The following ATP2B2 variants were observed in gnomAD, a reference collection of about 807,000 sequenced individuals.
ATP2B2 encodes the protein ATPase plasma membrane Ca2+ transporting 2.
Under a neutral mutation model 120.0 loss-of-function variants are expected in ATP2B2, and 15 were observed. The ratio of observed to expected loss-of-function variants is 0.12; its 90% CI spans 0.08 to 0.19. ATP2B2 has a LOEUF of 0.19. ATP2B2 is among the 10% of genes least tolerant of loss of function. The probability of loss-of-function intolerance (pLI) is 1.00; values close to 1 mark genes in which losing one functional copy is unlikely to be tolerated. For missense variants in ATP2B2, 1,045 were observed against 1,719.8 expected, an observed-to-expected ratio of 0.61 and a Z score of 6.94; for synonymous variants, 694 against 700.3, an observed-to-expected ratio of 0.99 and a Z score of 0.14.
chr3:10,686,483 T>C (rs1183588547), intron 1 of ATP2B2, among the ~76,000 whole-genome samples: 1 of 151,970 alleles, frequency 6.6e-6, no homozygotes, highest in South Asian at 2.1e-4. Context: ...TGAAACCCCA[T>C]CTCTACTAAA....
intron 2 of ATP2B2, among the ~76,000 whole-genome samples, chr3:10,602,244 C>A (rs964859620): frequency 3.3e-5 from 5 of 152,192 alleles, no homozygotes; most frequent in African/African-American, 9.6e-5. Context: ...GGAATCCCAC[C>A]CACTCTTCAC....
chr3:10,326,543 C>T lies in ATP2B2; in HGVS notation c.*2271G>A. 1 of 396,978 alleles carries T rather than the reference C, an allele frequency of 2.5e-6. No homozygotes were observed. The highest frequency in any genetic ancestry group is 3.6e-5 in the East Asian group (1 of 28,012). The allele number at this position is 396,978 out of a possible 1,614,324, so 24.6% of individuals were successfully genotyped here. ...GTGAGAAAGGAAACTCCAAAAAACA[C>T]CATGTTCCAAGGCTGCCCCATGTTT... On this transcript the variant is annotated 3_prime_UTR_variant, in exon 23 of 23. Coordinates refer to ENST00000360273, the MANE Select transcript of ATP2B2 (RefSeq NM_001001331.4).
intron 2 of ATP2B2, among the ~76,000 whole-genome samples, chr3:10,592,464 G>A (rs1235963219): frequency 6.6e-6 from 1 of 152,178 alleles, no homozygotes; most frequent in African/African-American, 2.4e-5. Flanking sequence ...CCAGGTTTGT[G>A]CTTTTCTGTT....
At chr3:10,536,195 CATTTTTAAATTGG>C (rs1472248633) in intron 2 of ATP2B2, among the ~76,000 whole-genome samples, 4 of 152,184 alleles carry the variant, frequency 2.6e-5, no homozygotes, top group South Asian at 4.1e-4. Flanking sequence ...GTCTTTTGCC[CATTTTTAAATTGG>C]ATTTTTAAAT....
chr3:10,510,427 A>C (rs2066738792), upstream of ATP2B2, among the ~76,000 whole-genome samples: 1 of 152,268 alleles, frequency 6.6e-6, no homozygotes, highest in Non-Finnish European at 1.5e-5. Flanking sequence ...TAGGAACTGC[A>C]GGAGGCCCTG....
intron 21 of ATP2B2, among the ~76,000 whole-genome samples, 166 bp from the exon 22 acceptor site, chr3:10,338,524 G>GCCTTTTTTTTTTTTTTTTTTT (rs1444514191): frequency 1.7e-5 from 2 of 119,490 alleles, no homozygotes; most frequent in African/African-American, 3.4e-5. Flanking sequence ...CTTTGACAAT[G>GCCTTTTTTTTTTTTTTTTTTT]TCTTTTTTTT....
chr3:10,370,240 A>C (rs1034381377), intron 12 of ATP2B2, among the ~76,000 whole-genome samples: 20 of 152,190 alleles, frequency 1.3e-4, no homozygotes, highest in African/African-American at 4.8e-4. Context: ...CTATAATTGC[A>C]TTACACACAT....
rs780277141 is a variant in ATP2B2 at position 10,371,946 on chromosome 3, G to A, written c.1522C>T (p.Arg508Cys). ...ACATAGGCCTGTACCACTGTCATGC[G>A]ATTGGTGGTCAGCGTGCCTGTCTTG... ...SDKTGTLTTN[R>C]MTVVQAYVGD... The change falls in exon 12 of 23, where the codon CGC becomes TGC. Residue 508 changes from arginine (R) to cysteine (C), a missense_variant. Arg to Cys is a radical substitution (Grantham distance 180, BLOSUM62 -3). Transcript: ENST00000360273. 1.9e-6 allele frequency: 3 copies of A among 1,614,204 alleles called. No homozygotes were observed. The highest frequency in any genetic ancestry group is 2.5e-6 in the Non-Finnish European group (3 of 1,180,038).
chr3:10,444,015 T>C (rs1018118921), intron 2 of ATP2B2, among the ~76,000 whole-genome samples: 12 of 152,324 alleles, frequency 7.9e-5, no homozygotes, highest in Admixed American at 7.2e-4. Context: ...CCTGCATTTA[T>C]TTGAGAAGGC....
intron 21 of ATP2B2, among the ~76,000 whole-genome samples, 166 bp from the exon 22 acceptor site, chr3:10,338,524 GT>G (rs201437671): frequency 0.018 from 2,101 of 119,476 alleles, 37 homozygotes; most frequent in African/African-American, 0.066. Flanking sequence ...CTTTGACAAT[GT>G]CTTTTTTTTT....
chr3:10,705,806 T>C (rs1317046492), intron 1 of ATP2B2, among the ~76,000 whole-genome samples: 14 of 152,222 alleles, frequency 9.2e-5, no homozygotes, highest in Admixed American at 9.2e-4. Flanking sequence ...CTCCACAAGG[T>C]TGCAGAGTGG....
chr3:10,344,895 C>T lies in ATP2B2; in HGVS notation c.2703+489G>A, dbSNP rs868114918. 1.5e-4 allele frequency among the ~76,000 whole-genome samples: 23 copies of T among 152,280 alleles called. No homozygotes were observed. The Middle Eastern group carries it at 0.02, about 135-fold the overall frequency. On this transcript the variant is annotated intron_variant, in intron 18 of 22. Coordinates refer to ENST00000360273, the MANE Select transcript of ATP2B2 (RefSeq NM_001001331.4). ...TGACCTTCCCAGTGAGCAAGATCCC[C>T]GACTCCCTCCAGTTATCCCCACCTA...
chr3:10,497,821 G>A (rs780342341), intron 1 of ATP2B2, among the ~76,000 whole-genome samples: 16 of 152,144 alleles, frequency 1.1e-4, no homozygotes, highest in Admixed American at 2.0e-4. Context: ...AAAGTTTGCC[G>A]ACTTCTCACA....
At chr3:10,447,394 C>T (rs1301623411) in intron 2 of ATP2B2, among the ~76,000 whole-genome samples, 2 of 152,198 alleles carry the variant, frequency 1.3e-5, no homozygotes, top group Non-Finnish European at 2.9e-5. Context: ...TCTGGGGAGC[C>T]TTTCTGGTGG....
chr3:10,550,972 G>A (rs2067656835), intron 2 of ATP2B2, among the ~76,000 whole-genome samples: 1 of 152,126 alleles, frequency 6.6e-6, no homozygotes, highest in Admixed American at 6.5e-5. Flanking sequence ...GTACAGTCTG[G>A]TTTTACCCAA....
chr3:10,409,158 T>C (rs958698532), intron 3 of ATP2B2, among the ~76,000 whole-genome samples: 1 of 152,264 alleles, frequency 6.6e-6, no homozygotes. Flanking sequence ...TCAAGGCTTA[T>C]TCAAGTCGTC....
At position 10,375,658 on chromosome 3, in the gene ATP2B2, G is replaced by C. The variant is rs920377324; in HGVS notation, c.1202-14C>G. 2 of 1,609,702 alleles carry C rather than the reference G, an allele frequency of 1.2e-6. No individual in the cohort carries two copies. Among genetic ancestry groups the C allele is most frequent in the Non-Finnish European group, 1.7e-6 (2 of 1,176,668 alleles). On this transcript the variant is annotated splice_polypyrimidine_tract_variant and intron_variant, in intron 10 of 22. Coordinates refer to ENST00000360273, the MANE Select transcript of ATP2B2 (RefSeq NM_001001331.4). The surrounding 1 kb of genome is among the most constrained non-coding windows in gnomAD (Gnocchi z 4.2). ...ACATCACCAAGCCTGCAATGTGAGG[G>C]ACACATGCTTGGGGGGTTCCAGGAA...
chr3:10,413,499 G>T (rs2062683113), intron 2 of ATP2B2, among the ~76,000 whole-genome samples: 2 of 152,218 alleles, frequency 1.3e-5, no homozygotes, highest in African/African-American at 2.4e-5. Flanking sequence ...GAGACAGGCT[G>T]CCCTGAGACC....
chr3:10,466,855 T>G (rs558046012), intron 1 of ATP2B2, among the ~76,000 whole-genome samples: 3 of 152,216 alleles, frequency 2.0e-5, no homozygotes. Flanking sequence ...GGGGCCTGCA[T>G]TGCATCCCAG....
Sources: gnomAD v4.1 joint callset for allele counts (sites outside exome capture counted in the v4.1 genomes callset) on GRCh38, gnomAD v4.1.1 for gene constraint, Gnocchi (gnomAD v3.1) non-coding constraint, MANE v1.5 for transcripts, NCBI Gene and HGNC (gene_info 2026-07-23, HGNC 2026-07-21) for gene names.